The following FAM83D variants were observed in gnomAD, a reference collection of about 807,000 sequenced individuals.
FAM83D encodes the protein scaffolding CK1 anchoring protein D.
A neutral mutation model predicts 25.4 loss-of-function variants in FAM83D; 26 were observed. The observed-to-expected ratio is 1.02, with a 90% CI of 0.75 to 1.42. The LOEUF is 1.42. Among genes scored for constraint, FAM83D ranks in the 40% most tolerant of loss-of-function variants. The pLI is 0.00. For missense variants in FAM83D, 740 were observed against 758.1 expected (o/e 0.98, Z 0.28); for synonymous variants, 310 against 318.5 (o/e 0.97, Z 0.28).
At chr20:38,934,680 A>G (rs1280727629) in intron 1 of FAM83D, among the ~76,000 whole-genome samples, 2 of 152,212 alleles carry the variant, frequency 1.3e-5, no homozygotes, top group Non-Finnish European at 2.9e-5. Context: ...AACACTAATT[A>G]TAATAGCAAA....
Position 38,951,664 on chromosome 20 carries a change from T to C in FAM83D, c.902T>C (p.Leu301Pro). The C allele has an allele frequency of 6.2e-7, 1 of 1,614,092 alleles. No homozygotes were observed. The highest frequency in any genetic ancestry group is 1.3e-5 in the African/African-American group (1 of 74,996). ...CAGTCCAAGCCCATCAGCCCCAAAC[T>C]CCTGTCTCACTTCCAGAGCAGCAAC... ...YAQSKPISPK[L>P]LSHFQSSNKF... Residue 301 changes from leucine to proline, a missense_variant, in exon 4 of 4, where the codon CTC (leucine) becomes CCC (proline). This residue lies in a region of FAM83D where 375 missense variants were observed against 403.2 expected (regional missense o/e 0.93). Transcript: ENST00000619850.
At chr20:38,943,315 T>G (rs890421880) in intron 2 of FAM83D, among the ~76,000 whole-genome samples, 1 of 152,152 alleles carries the variant, frequency 6.6e-6, no homozygotes, top group African/African-American at 2.4e-5. Flanking sequence ...TGAGGCCCCA[T>G]GCCCAGCCTG....
chr20:38,946,197 C>CAAAAAA (rs56740383), intron 2 of FAM83D, among the ~76,000 whole-genome samples: 8 of 78,524 alleles, frequency 1.0e-4, no homozygotes, highest in South Asian at 6.0e-4. Context: ...GACTCCACCT[C>CAAAAAA]AAAAAAAAAA....
rs372584443 is a variant in FAM83D, at chr20:38,951,786, A to C, written c.1024A>C (p.Arg342=). Residue 342 remains arginine, a synonymous_variant, in exon 4 of 4, where the codon AGG becomes CGG. Coordinates refer to ENST00000619850, the MANE Select transcript of FAM83D (RefSeq NM_030919.3). ...MRLARLSSTP[R]KADLDPEMPA... Reference sequence around the variant, plus strand: ...GCTGGCTAGGCTGTCAAGTACTCCCAGGAAGGCGGACCTGGACCCAGAGAT... The same window carrying C: ...GCTGGCTAGGCTGTCAAGTACTCCCCGGAAGGCGGACCTGGACCCAGAGAT... 5.7e-5 allele frequency: 92 copies of C among 1,614,044 alleles called. No homozygotes were observed. In the African/African-American group the frequency reaches 1.1e-3, roughly 20 times the overall value.
chr20:38,937,804 A>G (rs889873898), intron 1 of FAM83D, among the ~76,000 whole-genome samples: 1 of 152,088 alleles, frequency 6.6e-6, no homozygotes, highest in Non-Finnish European at 1.5e-5. Flanking sequence ...CTGTGTCTAC[A>G]AAAATTAGCC....
At chr20:38,939,078 G>A (rs1329999796) in intron 1 of FAM83D, among the ~76,000 whole-genome samples, 3 of 152,106 alleles carry the variant, frequency 2.0e-5, no homozygotes, top group South Asian at 2.1e-4. Context: ...GTCATGTCCC[G>A]TGGCTCCCTT....
chr20:38,935,027 A>G (rs1332178864), intron 1 of FAM83D, among the ~76,000 whole-genome samples: 2 of 152,254 alleles, frequency 1.3e-5, no homozygotes, highest in African/African-American at 4.8e-5. Flanking sequence ...ACATGTTTAT[A>G]TAAAACAAAT....
chr20:38,926,736 G>C lies in FAM83D; in HGVS notation c.294G>C (p.Ser98=), dbSNP rs1369973463. ...DSFGSSHDCS[S]GTYFPEQSDL... ...TCGGCTCCTCGCACGACTGCTCTTC[G>C]GGCACCTACTTCCCCGAGCAGTCGG... The change falls in exon 1 of 4, where the codon TCG becomes TCC. Residue 98 remains serine (S), a synonymous_variant. Transcript: ENST00000619850. 1 of 1,531,224 alleles carries C rather than the reference G, an allele frequency of 6.5e-7. No homozygotes were observed. The highest frequency in any genetic ancestry group is 8.7e-7 in the Non-Finnish European group (1 of 1,145,682). 94.9% of individuals were successfully genotyped at this position (1,531,224 alleles called of 1,614,324 possible).
intron 3 of FAM83D, among the ~76,000 whole-genome samples, chr20:38,948,397 T>C (rs2085738605): frequency 6.6e-6 from 1 of 152,216 alleles, no homozygotes; most frequent in Non-Finnish European, 1.5e-5. Flanking sequence ...TGCAGGCATC[T>C]CCATTAGTGT....
intron 2 of FAM83D, among the ~76,000 whole-genome samples, chr20:38,943,606 G>T (rs1251400051): frequency 6.6e-6 from 1 of 152,212 alleles, no homozygotes; most frequent in Non-Finnish European, 1.5e-5. Context: ...TTCAGTGGAA[G>T]CCTATACAAC....
intron 2 of FAM83D, among the ~76,000 whole-genome samples, chr20:38,945,589 C>G (rs1346904657): frequency 6.6e-6 from 1 of 152,098 alleles, no homozygotes; most frequent in Non-Finnish European, 1.5e-5. Context: ...ATTTCCCGGT[C>G]GTTCCACTAA....
intron 1 of FAM83D, among the ~76,000 whole-genome samples, chr20:38,929,038 G>A (rs1267336789): frequency 3.9e-5 from 6 of 151,962 alleles, no homozygotes; most frequent in South Asian, 2.1e-4. Context: ...TTAGCTGGAC[G>A]TGGTGGTGCG....
rs780645103 is a variant in FAM83D, at chr20:38,947,961, C to T, written c.737C>T (p.Thr246Met). ...KIIGKVHEKF[T>M]LIDGIRVATG... ...ATTGGGAAGGTTCACGAAAAGTTCACGTTGATTGATGGCATCCGCGTGGCA... is the reference window on the plus strand; with the variant it reads ...ATTGGGAAGGTTCACGAAAAGTTCATGTTGATTGATGGCATCCGCGTGGCA... Residue 246 changes from threonine (T) to methionine (M), a missense_variant, in exon 3 of 4, where the codon ACG becomes ATG. Around this residue, in one of 3 missense-constraint regions of FAM83D, gnomAD observed 32 missense variants for 56.2 expected, o/e 0.57. Coordinates refer to ENST00000619850, the MANE Select transcript of FAM83D (RefSeq NM_030919.3). The T allele has an allele frequency of 1.4e-5, 23 of 1,614,044 alleles. No homozygotes were observed. The South Asian group carries it at 1.8e-4, about 12-fold the overall frequency.
chr20:38,945,755 A>AC lies in FAM83D; in HGVS notation c.652-2115dup, dbSNP rs1488082450. ...GCCCCCACCCCCCCCCCACCACCCC[A>AC]CCCCCCGTTTTTTTTTTTAAGAGAT... On this transcript the variant is annotated intron_variant, in intron 2 of 3. Coordinates refer to ENST00000619850, the MANE Select transcript of FAM83D (RefSeq NM_030919.3). Among the ~76,000 whole-genome samples the AC allele has an allele frequency of 9.1e-3, 483 of 52,892 alleles. 3 individuals are homozygous for AC. The highest frequency in any genetic ancestry group is 0.031 in the African/African-American group (457 of 14,594). The allele number at this position is 52,892 out of a possible 152,430, so 34.7% of individuals were successfully genotyped here.
At chr20:38,927,126 G>T (rs915297236) in intron 1 of FAM83D, among the ~76,000 whole-genome samples, 1 of 152,214 alleles carries the variant, frequency 6.6e-6, no homozygotes, top group African/African-American at 2.4e-5. Context: ...GCTCCTCGTG[G>T]CAGGGGATAG....
intron 1 of FAM83D, among the ~76,000 whole-genome samples, chr20:38,936,312 T>G (rs1291344319): frequency 6.6e-6 from 1 of 152,076 alleles, no homozygotes; most frequent in Non-Finnish European, 1.5e-5. Flanking sequence ...CCATTGAGTG[T>G]GTATGAATCA....
chr20:38,952,115 C>G lies in FAM83D; in HGVS notation c.1353C>G (p.Leu451=), dbSNP rs2085758164. 1 of 1,614,146 alleles carries G rather than the reference C, an allele frequency of 6.2e-7. No homozygotes were observed. ...AGACTGACATGGATGAGAACATTCT[C>G]TTTCCTCGAGGAACTCAATCTACAG... is the stretch of plus-strand genomic sequence containing the variant. ...TTQTDMDENI[L]FPRGTQSTEG... The change falls in exon 4 of 4, where the codon CTC becomes CTG. Residue 451 remains leucine, a synonymous_variant. Transcript: ENST00000619850.
At chr20:38,941,341 G>C (rs763218713) in intron 1 of FAM83D, among the ~76,000 whole-genome samples, 1 of 152,232 alleles carries the variant, frequency 6.6e-6, no homozygotes, top group African/African-American at 2.4e-5. Context: ...GGCAGAAGAA[G>C]GGAGAATCCA....
chr20:38,942,076 C>A lies in FAM83D; in HGVS notation c.601C>A (p.Gln201Lys), dbSNP rs752882835. ...CCTTCTGGACCAGGCTCTCCTCTCT[C>A]AATTTCTGGATATGTGCATGGATCT... Reference protein sequence around the residue: ...YILLDQALLSQFLDMCMDLKV... With the variant: ...YILLDQALLSKFLDMCMDLKV... The change falls in exon 2 of 4, where the codon CAA becomes AAA. Residue 201 changes from glutamine to lysine, a missense_variant. By Grantham distance (53) the Gln-to-Lys change is moderately conservative (BLOSUM62 1). Around this residue, in one of 3 missense-constraint regions of FAM83D, gnomAD observed 333 missense variants for 298.6 expected, o/e 1.12. Transcript: ENST00000619850. The A allele has an allele frequency of 6.2e-7, 1 of 1,614,088 alleles. No homozygotes were observed. The highest frequency in any genetic ancestry group is 8.5e-7 in the Non-Finnish European group (1 of 1,180,038).
Sources: allele counts gnomAD v4.1 joint callset (sites outside exome capture counted in the v4.1 genomes callset), GRCh38; gene constraint gnomAD v4.1.1; regional missense constraint gnomAD v4.1.1; transcripts MANE v1.5; gene names NCBI Gene and HGNC (gene_info 2026-07-23, HGNC 2026-07-21).